Variants in ADGRB3 observed in about 807,000 individuals in gnomAD.
The protein encoded by ADGRB3 is adhesion G protein-coupled receptor B3, also known as brain-specific angiogenesis inhibitor 3.
ADGRB3 carries 37 observed loss-of-function variants against 193.4 expected under a neutral mutation model. That is an observed-to-expected ratio of 0.19 (90% CI 0.15 to 0.25). ADGRB3 has a LOEUF of 0.25. Ranked by LOEUF, ADGRB3 falls within the 10% of genes least tolerant of loss-of-function variation. The probability of loss-of-function intolerance (pLI) is 1.00; values close to 1 mark genes in which losing one functional copy is unlikely to be tolerated. For synonymous variants in ADGRB3, 690 were observed against 644.2 expected (o/e 1.07, Z -1.08); for missense variants, 1,637 against 1,852.9 (o/e 0.88, Z 2.14).
chr6:68,903,083 T>C (rs960062488), intron 3 of ADGRB3, among the ~76,000 whole-genome samples: 3 of 152,144 alleles, frequency 2.0e-5, no homozygotes, highest in Non-Finnish European at 4.4e-5. Flanking sequence ...AACTAGCTGG[T>C]CCATGATTTA....
chr6:69,018,171 G>A (rs1770152943), intron 12 of ADGRB3, among the ~76,000 whole-genome samples: 2 of 151,822 alleles, frequency 1.3e-5, no homozygotes, highest in Admixed American at 1.3e-4. Context: ...ATTTATGAGG[G>A]ATTAATCACT....
chr6:68,851,568 A>C (rs1389929376), intron 3 of ADGRB3, among the ~76,000 whole-genome samples: 9 of 151,822 alleles, frequency 5.9e-5, no homozygotes. Context: ...GGCATTTAGG[A>C]ATAGAGAGAG....
At chr6:68,994,383 T>G (rs1203155997) in intron 11 of ADGRB3, among the ~76,000 whole-genome samples, 1 of 152,222 alleles carries the variant, frequency 6.6e-6, no homozygotes, top group Non-Finnish European at 1.5e-5. Context: ...TTTAGGATTT[T>G]GCTATTAGTG....
chr6:69,084,340 C>G (rs1772486380), intron 17 of ADGRB3, among the ~76,000 whole-genome samples: 1 of 151,938 alleles, frequency 6.6e-6, no homozygotes, highest in Admixed American at 6.6e-5. Flanking sequence ...AAAGAAAAAC[C>G]AAGGAGCCAT....
At chr6:68,686,307 C>T (rs969125669) in intron 3 of ADGRB3, among the ~76,000 whole-genome samples, 23 of 152,108 alleles carry the variant, frequency 1.5e-4, no homozygotes, top group Non-Finnish European at 4.4e-5. Context: ...TTCTTTGGCC[C>T]TCTAAAAAGT....
rs552702380 is a variant in ADGRB3 at position 68,945,866 on chromosome 6, G to A, written c.1195+1872G>A. ...GTTGTGGAACTTTATCACTCAAGTA[G>A]TAACACAAGTTTTTAAGCTACTTGG... On this transcript the variant is annotated intron_variant, in intron 6 of 31. Coordinates refer to ENST00000370598, the MANE Select transcript of ADGRB3 (RefSeq NM_001704.3). 1.1e-4 allele frequency among the ~76,000 whole-genome samples: 17 copies of A among 152,192 alleles called. No individual in the cohort carries two copies. In the East Asian group the frequency reaches 3.3e-3, roughly 29 times the overall value.
chr6:69,030,996 T>A (rs1382770268), intron 13 of ADGRB3, among the ~76,000 whole-genome samples: 1 of 117,624 alleles, frequency 8.5e-6, no homozygotes, highest in East Asian at 2.1e-4. Context: ...CTTTTCTTTC[T>A]TTTCCTTTCT....
intron 3 of ADGRB3, among the ~76,000 whole-genome samples, chr6:68,777,412 C>G (rs1418686394): frequency 1.3e-5 from 2 of 151,850 alleles, no homozygotes; most frequent in African/African-American, 4.8e-5. Context: ...AATTATTTTT[C>G]CTGCTGTGAA....
At chr6:68,963,210 G>A (rs1768283157) in intron 8 of ADGRB3, among the ~76,000 whole-genome samples, 1 of 152,092 alleles carries the variant, frequency 6.6e-6, no homozygotes, top group African/African-American at 2.4e-5. Context: ...ACCGACTTGG[G>A]CCTTGGTGTC....
intron 3 of ADGRB3, among the ~76,000 whole-genome samples, chr6:68,774,255 A>G (rs1766694998): frequency 6.6e-6 from 1 of 152,198 alleles, no homozygotes; most frequent in South Asian, 2.1e-4. Context: ...GTTCTAAGAA[A>G]GGAACAAAGG....
chr6:69,341,160 T>G (rs1283472), intron 26 of ADGRB3, among the ~76,000 whole-genome samples: 32,430 of 152,122 alleles, frequency 0.21, 3,945 homozygotes, highest in African/African-American at 0.32. Context: ...CAAATGGTAT[T>G]TCTAGTTCTA....
At chr6:68,639,490 A>G (rs1004601988) in intron 3 of ADGRB3, 58 bp downstream of exon 3, 26 of 1,484,718 alleles carry the variant, frequency 1.8e-5, no homozygotes, top group Non-Finnish European at 2.1e-5. Context: ...GATGGAGTTA[A>G]AACGTGCTGT....
chr6:69,218,637 G>A (rs1299952571), intron 17 of ADGRB3, among the ~76,000 whole-genome samples: 1 of 152,076 alleles, frequency 6.6e-6, no homozygotes, highest in Non-Finnish European at 1.5e-5. Context: ...TGTTCTTTGT[G>A]CTTGACTTTC....
chr6:69,156,259 A>T (rs1395811938), intron 17 of ADGRB3, among the ~76,000 whole-genome samples: 3 of 152,222 alleles, frequency 2.0e-5, no homozygotes, highest in Non-Finnish European at 4.4e-5. Context: ...TGAAGGAAAC[A>T]GAGCAAGATA....
intron 3 of ADGRB3, among the ~76,000 whole-genome samples, chr6:68,802,185 T>C (rs1767324752): frequency 7.8e-6 from 1 of 128,734 alleles, no homozygotes; most frequent in African/African-American, 3.9e-5. Flanking sequence ...CACATATGCG[T>C]GTGTGTGTGT....
chr6:69,211,138 AT>A, intron 17 of ADGRB3, among the ~76,000 whole-genome samples: 1 of 152,236 alleles, frequency 6.6e-6, no homozygotes, highest in South Asian at 2.1e-4. Context: ...AAAAAAAGAA[AT>A]ATAAGCAGAA....
intron 17 of ADGRB3, among the ~76,000 whole-genome samples, chr6:69,117,404 C>G (rs1288586727): frequency 6.6e-6 from 1 of 152,128 alleles, no homozygotes; most frequent in African/African-American, 2.4e-5. Context: ...ACACAGATTT[C>G]TGAGATTTTT....
intron 4 of ADGRB3, among the ~76,000 whole-genome samples, chr6:68,932,536 T>C (rs1767369546): frequency 6.6e-6 from 1 of 152,048 alleles, no homozygotes; most frequent in Non-Finnish European, 1.5e-5. Context: ...TGTATAAGAC[T>C]TTTAACAGAA....
rs574585219 is a variant in ADGRB3 at position 69,387,754 on chromosome 6, G to A, written c.4381-949G>A. Among the ~76,000 whole-genome samples, 3 of 152,178 alleles carry A rather than the reference G, an allele frequency of 2.0e-5. No individual in the cohort carries two copies. The South Asian group carries it at 6.2e-4, about 32-fold the overall frequency. On this transcript the variant is annotated intron_variant, in intron 31 of 31. Transcript: ENST00000370598. ...CTCTCTTTCTTTAGCCATAGTTTCAGATGATGTTTAATATATTGAGTGGAG... is the reference window on the plus strand; with the variant it reads ...CTCTCTTTCTTTAGCCATAGTTTCAAATGATGTTTAATATATTGAGTGGAG...
Sources: gnomAD v4.1 joint callset for allele counts (sites outside exome capture counted in the v4.1 genomes callset) on GRCh38, gnomAD v4.1.1 for gene constraint, MANE v1.5 for transcripts, NCBI Gene and HGNC (gene_info 2026-07-23, HGNC 2026-07-21) for gene names.